The following CABLES1 variants were observed in gnomAD, a reference collection of about 807,000 sequenced individuals.
CABLES1 encodes Cdk5 and Abl enzyme substrate 1, also known as CDK5 and ABL1 enzyme substrate 1.
CABLES1 carries 36 observed loss-of-function variants against 57.8 expected under a neutral mutation model. The ratio of observed to expected loss-of-function variants is 0.62; its 90% CI spans 0.48 to 0.82. CABLES1 has a LOEUF of 0.82. Among genes scored for constraint, CABLES1 ranks in the 40% least tolerant of loss-of-function variants. The pLI is 0.00. For missense variants in CABLES1, 767 were observed against 836.6 expected (o/e 0.92, Z 1.03); for synonymous variants, 374 against 363.0 (o/e 1.03, Z -0.35).
rs2048218848 is a variant in CABLES1 at position 23,258,441 on chromosome 18, CGGTGGCT to C, written c.*1075_*1081del. 1.3e-5 allele frequency: 2 copies of C among 152,166 alleles called. No individual in the cohort carries two copies. Among genetic ancestry groups the C allele is most frequent in the African/African-American group, 2.4e-5 (1 of 41,430 alleles). The allele number at this position is 152,166 out of a possible 1,614,324, so 9.4% of individuals were successfully genotyped here. A position where few individuals can be genotyped will look rare whatever the true frequency, so the allele number is the denominator to read the frequency against. Reference sequence around the variant, plus strand: ...GCTGTGGTTAAGCTGACTAAGGAGGCGGTGGCTCTTTCTTAACATTCCCACGTGCCCA... The same window carrying C: ...GCTGTGGTTAAGCTGACTAAGGAGGCCTTTCTTAACATTCCCACGTGCCCA... On this transcript the variant is annotated 3_prime_UTR_variant, in exon 10 of 10. Transcript: ENST00000256925.
intron 9 of CABLES1, among the ~76,000 whole-genome samples, chr18:23,256,269 C>T (rs1229298573): frequency 6.6e-6 from 1 of 152,226 alleles, no homozygotes; most frequent in Non-Finnish European, 1.5e-5. Context: ...CCTTCCTTTC[C>T]AGCTCCAGCA....
At chr18:23,177,250 G>A (rs774431764) in intron 1 of CABLES1, among the ~76,000 whole-genome samples, 7 of 152,066 alleles carry the variant, frequency 4.6e-5, no homozygotes, top group Non-Finnish European at 8.8e-5. Flanking sequence ...TCGGGGCCCC[G>A]TCAGACCAAG....
At chr18:23,244,540 G>C (rs1291107972) in intron 7 of CABLES1, among the ~76,000 whole-genome samples, 2 of 152,272 alleles carry the variant, frequency 1.3e-5, no homozygotes, top group African/African-American at 4.8e-5. Context: ...ATGCCCATCT[G>C]TTGGTGGTTA....
At chr18:23,249,759 C>T (rs920092514) in intron 7 of CABLES1, among the ~76,000 whole-genome samples, 3 of 152,130 alleles carry the variant, frequency 2.0e-5, no homozygotes, top group Admixed American at 6.5e-5. Flanking sequence ...ACCCCCCGCC[C>T]CCGACAGCCC....
chr18:23,190,242 G>A (rs891256532), intron 2 of CABLES1: 3 of 152,218 alleles, frequency 2.0e-5, no homozygotes, highest in African/African-American at 7.2e-5. Context: ...TGAGTGGCTG[G>A]CTTTGGTGTT....
intron 7 of CABLES1, among the ~76,000 whole-genome samples, chr18:23,239,358 C>T (rs2047679740): frequency 6.6e-6 from 1 of 152,236 alleles, no homozygotes; most frequent in Admixed American, 6.5e-5. Context: ...TGGTCGGCTC[C>T]TGGAGACCTA....
At position 23,209,808 on chromosome 18, in the gene CABLES1, T is replaced by TTGCCTTTTTAGACAC. The variant is rs1555665853; in HGVS notation, c.1011-4165_1011-4164insTTTTTAGACACTGCC. 1.8e-3 allele frequency among the ~76,000 whole-genome samples: 277 copies of TTGCCTTTTTAGACAC among 151,898 alleles called. 1 individual carries two copies. Among genetic ancestry groups the TTGCCTTTTTAGACAC allele is most frequent in the African/African-American group, 6.1e-3 (252 of 41,360 alleles). On this transcript the variant is annotated intron_variant, in intron 3 of 9. Coordinates refer to ENST00000256925, the MANE Select transcript of CABLES1 (RefSeq NM_001100619.3). ...TGAGGACCGTGGCTGGTGAGAGACA[T>TTGCCTTTTTAGACAC]TGCCAGTGCTGGGCTGAGGGGGTAA...
rs186769607 is a variant in CABLES1 at position 23,231,627 on chromosome 18, C to T, written c.1089-2981C>T. Among the ~76,000 whole-genome samples, 84 of 152,296 alleles carry T rather than the reference C, an allele frequency of 5.5e-4. 2 individuals are homozygous for T. In the East Asian group the frequency reaches 0.01, roughly 18 times the overall value. On this transcript the variant is annotated intron_variant, in intron 4 of 9. Transcript: ENST00000256925. ...TGGGTAGGGTTGGTGGAGCCTTGCC[C>T]GTCTTTCTTGTGGTCCCAAGTGTCG...
intron 6 of CABLES1, among the ~76,000 whole-genome samples, chr18:23,236,873 C>G (rs2047620420): frequency 6.6e-6 from 1 of 152,142 alleles, no homozygotes; most frequent in Admixed American, 6.5e-5. Context: ...TTTTTGCTCT[C>G]CTGGCCCAGG....
intron 1 of CABLES1, among the ~76,000 whole-genome samples, chr18:23,174,961 C>T (rs1270907365): frequency 1.3e-5 from 2 of 151,328 alleles, no homozygotes; most frequent in Non-Finnish European, 2.9e-5. Context: ...CATTAGTTAA[C>T]TCACGCTGCC....
intron 3 of CABLES1, among the ~76,000 whole-genome samples, chr18:23,212,363 A>G (rs2047411224): frequency 6.6e-6 from 1 of 152,204 alleles, no homozygotes; most frequent in Non-Finnish European, 1.5e-5. Flanking sequence ...ATTTTTTAGA[A>G]GGGCAGAATG....
chr18:23,258,027 G>C lies in CABLES1; in HGVS notation c.*660G>C, dbSNP rs193025588. On this transcript the variant is annotated 3_prime_UTR_variant, in exon 10 of 10. Transcript: ENST00000256925. ...ATTTCTGGATAAGAATTGCTCTCTC[G>C]GTACCAGACAGTTTGACATCCTCCA... The C allele has an allele frequency of 6.6e-6, 1 of 152,172 alleles. No homozygotes were observed. The highest frequency in any genetic ancestry group is 1.5e-5 in the Non-Finnish European group (1 of 68,058). The allele number at this position is 152,172 out of a possible 1,614,324, so 9.4% of individuals were successfully genotyped here.
intron 7 of CABLES1, among the ~76,000 whole-genome samples, chr18:23,242,163 G>A (rs1214754763): frequency 6.6e-6 from 1 of 151,996 alleles, no homozygotes; most frequent in Non-Finnish European, 1.5e-5. Context: ...CTGTAATCCT[G>A]GCTACTCAGG....
intron 1 of CABLES1, among the ~76,000 whole-genome samples, chr18:23,136,887 A>T (rs1031744081): frequency 6.6e-6 from 1 of 152,196 alleles, no homozygotes; most frequent in Non-Finnish European, 1.5e-5. Flanking sequence ...AGCCCAGTAG[A>T]AAGCGGCGTC....
At chr18:23,164,882 C>T (rs1013164247) in intron 1 of CABLES1, among the ~76,000 whole-genome samples, 2 of 152,084 alleles carry the variant, frequency 1.3e-5, no homozygotes, top group Admixed American at 6.5e-5. Flanking sequence ...AGTGATTCTC[C>T]TGCCTCAGCC....
intron 1 of CABLES1, chr18:23,156,075 G>T: frequency 1.7e-6 from 2 of 1,178,726 alleles, no homozygotes; most frequent in Non-Finnish European, 2.5e-6. Context: ...GGAAAAGCGG[G>T]ATGTCAGTCC....
chr18:23,184,883 T>C (rs1463250047), intron 1 of CABLES1, among the ~76,000 whole-genome samples: 9 of 152,076 alleles, frequency 5.9e-5, no homozygotes, highest in African/African-American at 2.2e-4. Context: ...GGGTCCCCTT[T>C]ACAAGGGCAC....
In CABLES1 at chr18:23,221,558, A is replaced by G. The variant is rs899944493; in HGVS notation, c.1088+7504A>G. ...AAACCAGCACAGACACCCAGGACCAACACAGTGAGGGTAACACAGCCAGGA... is the reference window on the plus strand; with the variant it reads ...AAACCAGCACAGACACCCAGGACCAGCACAGTGAGGGTAACACAGCCAGGA... On this transcript the variant is annotated intron_variant, in intron 4 of 9. Transcript: ENST00000256925. Among the ~76,000 whole-genome samples the G allele has an allele frequency of 5.9e-5, 9 of 152,160 alleles. 1 individual carries two copies. The highest frequency in any genetic ancestry group is 1.3e-4 in the Non-Finnish European group (9 of 68,024).
chr18:23,238,775 TAGAC>T (rs1371547191), intron 7 of CABLES1, among the ~76,000 whole-genome samples: 2 of 152,322 alleles, frequency 1.3e-5, no homozygotes, highest in South Asian at 2.1e-4. Context: ...TCCTAGTTGA[TAGAC>T]AGGAAATGGG....
Sources: allele counts gnomAD v4.1 joint callset (sites outside exome capture counted in the v4.1 genomes callset), GRCh38; gene constraint gnomAD v4.1.1; transcripts MANE v1.5; gene names NCBI Gene and HGNC (gene_info 2026-07-23, HGNC 2026-07-21).